SLC25A26: variants seen among roughly 807,000 people sequenced by gnomAD.
The protein encoded by SLC25A26 is solute carrier family 25 member 26.
Under a neutral mutation model 37.8 loss-of-function variants are expected in SLC25A26, and 36 were observed. The observed-to-expected ratio is 0.95, with a 90% CI of 0.73 to 1.26. The LOEUF (loss-of-function observed/expected upper bound fraction) is 1.26, where lower values mean the gene tolerates loss of function less well. SLC25A26 is among the 50% of genes most tolerant of loss of function. The pLI is 0.00. For synonymous variants in SLC25A26, 129 were observed against 122.5 expected, an observed-to-expected ratio of 1.05 and a Z score of -0.35; for missense variants, 390 against 331.1, an observed-to-expected ratio of 1.18 and a Z score of -1.38.
At chr3:66,152,858 A>G (rs1205632522) in intron 1 of SLC25A26, among the ~76,000 whole-genome samples, 2 of 152,182 alleles carry the variant, frequency 1.3e-5, no homozygotes, top group African/African-American at 4.8e-5. Context: ...AAACACATAC[A>G]TGGACCCTTG....
At chr3:66,348,216 G>T (rs538920830) in intron 6 of SLC25A26, among the ~76,000 whole-genome samples, 11 of 152,260 alleles carry the variant, frequency 7.2e-5, no homozygotes, top group Middle Eastern at 3.4e-3. Flanking sequence ...TCACTTTCTG[G>T]TGCAGTGATA....
intron 1 of SLC25A26, among the ~76,000 whole-genome samples, chr3:66,152,631 G>A (rs2070223695): frequency 6.7e-6 from 1 of 149,980 alleles, no homozygotes; most frequent in South Asian, 2.2e-4. Flanking sequence ...TATTCCCCCA[G>A]CCGTCAAGAA....
At position 66,204,440 on chromosome 3, in the gene SLC25A26, G is replaced by GAA. The variant is rs1210041519; in HGVS notation, c.-353-16296_-353-16295dup. ...TACTCCGTCTCAAAAAAAAAAAAAA[G>GAA]AAAAAAAGAAAAAAGAAAGAAAAAG... On this transcript the variant is annotated intron_variant, in intron 1 of 10. Transcript: ENST00000676754. Among the ~76,000 whole-genome samples the GAA allele has an allele frequency of 2.7e-4, 30 of 110,814 alleles. 2 individuals carry two copies. The highest frequency in any genetic ancestry group is 3.2e-4 in the Admixed American group (3 of 9,448). The allele number at this position is 110,814 out of a possible 152,430, so 72.7% of individuals were successfully genotyped here. A position where few individuals can be genotyped will look rare whatever the true frequency, so the allele number is the denominator to read the frequency against.
chr3:66,164,997 G>C (rs1013490236), intron 1 of SLC25A26, among the ~76,000 whole-genome samples: 1 of 152,174 alleles, frequency 6.6e-6, no homozygotes, highest in African/African-American at 2.4e-5. Flanking sequence ...TCATGCCTTT[G>C]AATCAGGTTG....
At chr3:66,257,177 G>A (rs1000335910) in intron 3 of SLC25A26, among the ~76,000 whole-genome samples, 1 of 151,934 alleles carries the variant, frequency 6.6e-6, no homozygotes, top group Non-Finnish European at 1.5e-5. Flanking sequence ...CAGAGGGAGG[G>A]AATCTTTTGA....
chr3:66,177,915 A>G (rs750670233), intron 1 of SLC25A26, among the ~76,000 whole-genome samples: 6 of 152,192 alleles, frequency 3.9e-5, no homozygotes, highest in South Asian at 2.1e-4. Flanking sequence ...TTTATTCTAC[A>G]TACAGAAAAG....
chr3:66,228,158 G>C (rs2071843728), intron 1 of SLC25A26, among the ~76,000 whole-genome samples: 1 of 152,186 alleles, frequency 6.6e-6, no homozygotes, highest in Admixed American at 6.5e-5. Flanking sequence ...ATTTTGCTCA[G>C]CCCGTGGAGC....
chr3:66,327,352 G>T lies in SLC25A26; in HGVS notation c.454-19012G>T, dbSNP rs558243954. ...TAGTAACCTAAGATTTCTGTGGTTT[G>T]ACTCCAGGATAAAAACACAAGGCAC... On this transcript the variant is annotated intron_variant, in intron 5 of 9. Transcript: ENST00000354883. Among the ~76,000 whole-genome samples, 3 of 152,232 alleles carry T rather than the reference G, an allele frequency of 2.0e-5. No individual in the cohort carries two copies. In the South Asian group the frequency reaches 6.2e-4, roughly 32 times the overall value.
intron 1 of SLC25A26, among the ~76,000 whole-genome samples, chr3:66,222,177 T>A (rs2106876565): frequency 6.6e-6 from 1 of 151,186 alleles, no homozygotes; most frequent in African/African-American, 2.4e-5. Context: ...GAAATAATGT[T>A]ACTGATTTTT....
chr3:66,371,110 A>C (rs1700323101), intron 9 of SLC25A26: 1 of 1,406,114 alleles, frequency 7.1e-7, no homozygotes, highest in African/African-American at 1.5e-5. Context: ...CTCTCTCTGC[A>C]AGATTAAAAC....
chr3:66,147,213 G>A (rs1235372675), intron 1 of SLC25A26, among the ~76,000 whole-genome samples: 1 of 149,674 alleles, frequency 6.7e-6, no homozygotes, highest in Non-Finnish European at 1.5e-5. Flanking sequence ...TCCCAGGCTA[G>A]AGTACAGTGG....
At chr3:66,149,447 T>C (rs1357717053) in intron 1 of SLC25A26, among the ~76,000 whole-genome samples, 2 of 152,220 alleles carry the variant, frequency 1.3e-5, no homozygotes, top group Non-Finnish European at 2.9e-5. Context: ...CAACAAATTT[T>C]CTTTGCCTCA....
intron 5 of SLC25A26, among the ~76,000 whole-genome samples, chr3:66,329,738 T>C (rs2075925327): frequency 6.6e-6 from 1 of 152,194 alleles, no homozygotes; most frequent in African/African-American, 2.4e-5. Context: ...ATTTTACTTA[T>C]TTGTTTATTT....
intron 5 of SLC25A26, among the ~76,000 whole-genome samples, chr3:66,306,016 G>A (rs190948556): frequency 1.6e-3 from 243 of 151,430 alleles, no homozygotes; most frequent in African/African-American, 3.4e-3. Context: ...ATGGAGTCTC[G>A]CTCTGTTGCC....
At chr3:66,163,977 CT>C (rs1360567127) in intron 1 of SLC25A26, among the ~76,000 whole-genome samples, 1 of 152,124 alleles carries the variant, frequency 6.6e-6, no homozygotes, top group Non-Finnish European at 1.5e-5. Context: ...GCTAAACATC[CT>C]TTAATGTACA....
At chr3:66,286,887 C>T (rs1374635910) in intron 5 of SLC25A26, among the ~76,000 whole-genome samples, 1 of 151,978 alleles carries the variant, frequency 6.6e-6, no homozygotes, top group Non-Finnish European at 1.5e-5. Context: ...GGTGTTGAAC[C>T]CCTGGCCTCA....
At chr3:66,257,359 A>T (rs546803560) in intron 3 of SLC25A26, among the ~76,000 whole-genome samples, 56 of 151,574 alleles carry the variant, frequency 3.7e-4, no homozygotes, top group Admixed American at 5.3e-4. Context: ...AAAATGAATT[A>T]AAAAAAAAGA....
intron 3 of SLC25A26, among the ~76,000 whole-genome samples, chr3:66,250,750 G>T (rs781892262): frequency 1.3e-5 from 2 of 152,052 alleles, no homozygotes; most frequent in Non-Finnish European, 2.9e-5. Context: ...GTTTTCTCCG[G>T]ACTGGGGTAG....
chr3:66,155,608 G>T (rs971748694), intron 1 of SLC25A26, among the ~76,000 whole-genome samples: 14 of 152,234 alleles, frequency 9.2e-5, no homozygotes, highest in Non-Finnish European at 1.6e-4. Flanking sequence ...GTAGGATTTT[G>T]TCATTAGACA....
Sources: allele counts gnomAD v4.1 joint callset (sites outside exome capture counted in the v4.1 genomes callset), GRCh38; gene constraint gnomAD v4.1.1; transcripts MANE v1.5; gene names NCBI Gene and HGNC (gene_info 2026-07-23, HGNC 2026-07-21).